CDKAL1: variants seen among roughly 807,000 people sequenced by gnomAD.
CDKAL1 encodes the protein CDKAL1 threonylcarbamoyladenosine tRNA methylthiotransferase, also known as threonylcarbamoyladenosine tRNA methylthiotransferase.
In CDKAL1, 32 loss-of-function variants were observed where a neutral mutation model predicts 68.2. The ratio of observed to expected loss-of-function variants is 0.47; its 90% confidence interval spans 0.35 to 0.63. The LOEUF (loss-of-function observed/expected upper bound fraction) is 0.63. Among genes scored for constraint, CDKAL1 ranks in the 30% least tolerant of loss-of-function variants. The pLI, the probability that CDKAL1 is intolerant of heterozygous loss-of-function variation, is 0.00. For missense variants in CDKAL1, 606 were observed against 696.7 expected (o/e 0.87, Z 1.47); for synonymous variants, 234 against 244.3 (o/e 0.96, Z 0.39).
chr6:20,538,094 G>A (rs1298737934), intron 2 of CDKAL1, among the ~76,000 whole-genome samples: 2 of 152,188 alleles, frequency 1.3e-5, no homozygotes, highest in African/African-American at 2.4e-5. Context: ...TTGTCAGGTT[G>A]CCCTCCAGAA....
chr6:20,612,779 C>T lies in CDKAL1; in HGVS notation c.287-36514C>T, dbSNP rs7750508. On this transcript the variant is annotated intron_variant, in intron 4 of 15. Transcript: ENST00000274695. ...ATTTGTCTACTTTTGGTTTTGTTGT[C>T]TGTGCTTTTGAGGTCTTAATGATAA... 5.9e-3 allele frequency among the ~76,000 whole-genome samples: 891 copies of T among 152,026 alleles called. 10 individuals carry two copies. Among genetic ancestry groups the T allele is most frequent in the African/African-American group, 0.021 (852 of 41,476 alleles).
chr6:20,975,952 T>C (rs1373627009), intron 10 of CDKAL1, among the ~76,000 whole-genome samples: 1 of 152,218 alleles, frequency 6.6e-6, no homozygotes, highest in Non-Finnish European at 1.5e-5. Flanking sequence ...TTGACAAATG[T>C]ATAATGACAC....
chr6:21,049,209 T>G (rs574347460), intron 11 of CDKAL1, among the ~76,000 whole-genome samples: 62 of 152,288 alleles, frequency 4.1e-4, no homozygotes, highest in African/African-American at 1.4e-3. Flanking sequence ...GCAAAATAAT[T>G]CCATCCAGGA....
At position 21,005,014 on chromosome 6, in the gene CDKAL1, A is replaced by G. The variant is rs992008652; in HGVS notation, c.1055+4642A>G. Among the ~76,000 whole-genome samples the G allele has an allele frequency of 5.3e-5, 8 of 152,030 alleles. No homozygotes were observed. In the East Asian group the frequency reaches 9.7e-4, roughly 18 times the overall value. On this transcript the variant is annotated intron_variant, in intron 11 of 15. Coordinates refer to ENST00000274695, the MANE Select transcript of CDKAL1 (RefSeq NM_017774.3). ...AAATATGTATCTTATATATTTTACTATCATTCATTGTCACATAACTGATGT... is the reference window on the plus strand; with the variant it reads ...AAATATGTATCTTATATATTTTACTGTCATTCATTGTCACATAACTGATGT...
intron 11 of CDKAL1, among the ~76,000 whole-genome samples, chr6:21,036,223 AT>A (rs1181295728): frequency 3.3e-5 from 5 of 152,090 alleles, no homozygotes; most frequent in African/African-American, 4.8e-5. Flanking sequence ...ATAAAAGCAA[AT>A]TTTTTTCATG....
chr6:21,047,879 G>A (rs915967898), intron 11 of CDKAL1, among the ~76,000 whole-genome samples: 11 of 152,224 alleles, frequency 7.2e-5, no homozygotes, highest in African/African-American at 2.7e-4. Flanking sequence ...CAGAGAGGAA[G>A]TATTCTGATT....
chr6:20,750,890 G>A (rs1388478296), intron 6 of CDKAL1, among the ~76,000 whole-genome samples: 1 of 127,470 alleles, frequency 7.8e-6, no homozygotes, highest in African/African-American at 2.9e-5. Context: ...CTTGAACCCA[G>A]GAAGCGGAGG....
chr6:20,849,354 C>T (rs983870520), intron 9 of CDKAL1, among the ~76,000 whole-genome samples: 6 of 151,942 alleles, frequency 3.9e-5, no homozygotes, highest in African/African-American at 4.8e-5. Context: ...GAGGCCAAGG[C>T]GGGTGGATCA....
intron 12 of CDKAL1, among the ~76,000 whole-genome samples, chr6:21,090,805 C>CTTTT (rs67647227): frequency 1.5e-5 from 2 of 132,614 alleles, no homozygotes; most frequent in Non-Finnish European, 3.2e-5. Context: ...TTTCTTTTTT[C>CTTTT]TTTTTTTTTT....
At chr6:20,759,812 T>G (rs1774386746) in intron 7 of CDKAL1, among the ~76,000 whole-genome samples, 1 of 152,228 alleles carries the variant, frequency 6.6e-6, no homozygotes, top group African/African-American at 2.4e-5. Context: ...TAAAGGCTTT[T>G]TCCTATGTTT....
rs769168772 is a variant in CDKAL1, at chr6:20,898,350, T to A, written c.742+52172T>A. Among the ~76,000 whole-genome samples the A allele has an allele frequency of 4.9e-4, 73 of 150,376 alleles. 1 individual carries two copies. The highest frequency in any genetic ancestry group is 7.8e-4 in the Non-Finnish European group (53 of 67,822). On this transcript the variant is annotated intron_variant, in intron 9 of 15. Coordinates refer to ENST00000274695, the MANE Select transcript of CDKAL1 (RefSeq NM_017774.3). Reference sequence around the variant, plus strand: ...CCTCCAACCATGCCTCCTATGACATTGGGAATTCTCGTTCTTGATTGTGTA... The same window carrying A: ...CCTCCAACCATGCCTCCTATGACATAGGGAATTCTCGTTCTTGATTGTGTA...
At chr6:20,633,848 T>A (rs1443384418) in intron 4 of CDKAL1, among the ~76,000 whole-genome samples, 1 of 152,210 alleles carries the variant, frequency 6.6e-6, no homozygotes, top group Non-Finnish European at 1.5e-5. Flanking sequence ...TTCAGATCTC[T>A]TGCCCATTTT....
chr6:20,717,939 T>C lies in CDKAL1; in HGVS notation c.372-21580T>C, dbSNP rs1235540073. Among the ~76,000 whole-genome samples, 3 of 152,220 alleles carry C rather than the reference T, an allele frequency of 2.0e-5. No homozygotes were observed. In the East Asian group the frequency reaches 5.8e-4, roughly 29 times the overall value. The stretch of plus-strand genomic sequence containing the variant: ...TAGTTCAGTGTGCTCATTCAGCTGT[T>C]CTGCAGCCTCCAGGTCTTGAGAGTT... On this transcript the variant is annotated intron_variant, in intron 5 of 15. Transcript: ENST00000274695.
chr6:20,745,621 G>A (rs1326557205), intron 6 of CDKAL1, among the ~76,000 whole-genome samples: 3 of 152,004 alleles, frequency 2.0e-5, no homozygotes, highest in East Asian at 3.9e-4. Context: ...TTAAAATGTA[G>A]TATATCATAG....
At chr6:20,940,651 C>A (rs1763924400) in intron 9 of CDKAL1, among the ~76,000 whole-genome samples, 1 of 152,118 alleles carries the variant, frequency 6.6e-6, no homozygotes, top group Admixed American at 6.5e-5. Context: ...TGAACTCCTG[C>A]CTCAACCATG....
At chr6:20,914,878 G>A (rs915774222) in intron 9 of CDKAL1, among the ~76,000 whole-genome samples, 1 of 152,028 alleles carries the variant, frequency 6.6e-6, no homozygotes, top group African/African-American at 2.4e-5. Context: ...GTATCACTAA[G>A]GTATTGCTCA....
At chr6:20,540,963 T>C (rs1763366778) in intron 2 of CDKAL1, among the ~76,000 whole-genome samples, 1 of 152,112 alleles carries the variant, frequency 6.6e-6, no homozygotes, top group African/African-American at 2.4e-5. Context: ...AACAGAGCCA[T>C]GGGGGCATTC....
At chr6:20,611,187 T>C (rs1057276563) in intron 4 of CDKAL1, among the ~76,000 whole-genome samples, 1 of 152,212 alleles carries the variant, frequency 6.6e-6, no homozygotes, top group Non-Finnish European at 1.5e-5. Flanking sequence ...CTGGTGTGAA[T>C]GTCTATTCAG....
chr6:20,945,135 T>G (rs1764176386), intron 9 of CDKAL1, among the ~76,000 whole-genome samples: 1 of 151,876 alleles, frequency 6.6e-6, no homozygotes, highest in African/African-American at 2.4e-5. Context: ...TCTCATCTCC[T>G]ACATCCAACC....
Sources: allele counts gnomAD v4.1 joint callset (sites outside exome capture counted in the v4.1 genomes callset), GRCh38; gene constraint gnomAD v4.1.1; transcripts MANE v1.5; gene names NCBI Gene and HGNC (gene_info 2026-07-23, HGNC 2026-07-21).